The following MAMDC2 variants were observed in gnomAD, a reference collection of about 807,000 sequenced individuals.
The protein encoded by MAMDC2 is MAM domain containing 2, also known as MAM domain-containing protein 2.
Under a neutral mutation model 89.8 loss-of-function variants are expected in MAMDC2, and 57 were observed. That is an observed-to-expected ratio of 0.63 (90% confidence interval 0.51 to 0.79). MAMDC2 has a LOEUF of 0.79. Ranked by LOEUF, MAMDC2 falls within the 30% of genes least tolerant of loss-of-function variation. MAMDC2 has a pLI of 0.00. For synonymous variants in MAMDC2, 313 were observed against 293.4 expected, an observed-to-expected ratio of 1.07 and a Z score of -0.68; for missense variants, 800 against 820.6, an observed-to-expected ratio of 0.97 and a Z score of 0.31.
At chr9:70,207,268 T>C (rs1451520825) in intron 11 of MAMDC2, among the ~76,000 whole-genome samples, 3 of 152,154 alleles carry the variant, frequency 2.0e-5, no homozygotes, top group Non-Finnish European at 4.4e-5. Flanking sequence ...TGTTCCTATT[T>C]CTCCACATCC....
chr9:70,058,008 A>G (rs1827063376), intron 2 of MAMDC2, among the ~76,000 whole-genome samples: 1 of 152,140 alleles, frequency 6.6e-6, no homozygotes, highest in Non-Finnish European at 1.5e-5. Context: ...TTATCCTTAG[A>G]TTTCATTTGA....
chr9:70,044,246 C>G lies in MAMDC2; in HGVS notation c.34+15C>G. On this transcript the variant is annotated intron_variant, in intron 1 of 13. Transcript: ENST00000377182. ...GGCGTTGCAAGGTAAGGCCTGGACC[C>G]CGGGACAACCCCGGGGGCGCTCTGA... is the stretch of plus-strand genomic sequence containing the variant. The G allele has an allele frequency of 6.2e-7, 1 of 1,611,880 alleles. No individual in the cohort carries two copies. Among genetic ancestry groups the G allele is most frequent in the South Asian group, 1.1e-5 (1 of 91,082 alleles).
chr9:70,202,608 C>T (rs1308793310), intron 11 of MAMDC2, among the ~76,000 whole-genome samples: 5 of 145,566 alleles, frequency 3.4e-5, no homozygotes, highest in African/African-American at 7.7e-5. Flanking sequence ...CCTGGGTATC[C>T]TTGTTGACTT....
intron 2 of MAMDC2, among the ~76,000 whole-genome samples, chr9:70,055,062 A>C (rs964748408): frequency 1.2e-4 from 19 of 152,074 alleles, no homozygotes; most frequent in Admixed American, 1.2e-3. Flanking sequence ...TAAAAAAACA[A>C]AACAACACAA....
In MAMDC2 at chr9:70,217,923, C is replaced by T. The variant is rs1417633519; in HGVS notation, c.1652-414C>T. 4.6e-5 allele frequency among the ~76,000 whole-genome samples: 7 copies of T among 152,170 alleles called. No individual in the cohort carries two copies. In the South Asian group the frequency reaches 6.2e-4, roughly 13 times the overall value. ...GAGATTATTCATTAGACCAGAATCA[C>T]ATAAACAACAAATATTATAGTCAAG... is the stretch of plus-strand genomic sequence containing the variant. On this transcript the variant is annotated intron_variant, in intron 11 of 13. Coordinates refer to ENST00000377182, the MANE Select transcript of MAMDC2 (RefSeq NM_153267.5).
At chr9:70,134,169 A>C (rs2030916426) in intron 7 of MAMDC2, among the ~76,000 whole-genome samples, 1 of 151,884 alleles carries the variant, frequency 6.6e-6, no homozygotes, top group South Asian at 2.1e-4. Flanking sequence ...ATCAACATAC[A>C]CAGCATCTTG....
At position 70,151,912 on chromosome 9, in the gene MAMDC2, A is replaced by G. The variant is rs141673560; in HGVS notation, c.1404+8093A>G. Among the ~76,000 whole-genome samples the G allele has an allele frequency of 7.0e-3, 1,064 of 152,252 alleles. 13 individuals carry two copies. The highest frequency in any genetic ancestry group is 0.025 in the African/African-American group (1,025 of 41,534). ...TTTGTGACCTCTGAACCCATTCTAA[A>G]GCATGTCAGGTGTGTTCTTGAGGGC... On this transcript the variant is annotated intron_variant, in intron 9 of 13. Coordinates refer to ENST00000377182, the MANE Select transcript of MAMDC2 (RefSeq NM_153267.5).
In MAMDC2 at chr9:70,048,768, C is replaced by G. The variant is rs116013789; in HGVS notation, c.148+4071C>G. On this transcript the variant is annotated intron_variant, in intron 2 of 13. Coordinates refer to ENST00000377182, the MANE Select transcript of MAMDC2 (RefSeq NM_153267.5). Reference sequence around the variant, plus strand: ...GATGCCAGCTGTGGGGGCAGAGGTCCTTTGCCCTGAGGATTCTTGGAGACC... The same window carrying G: ...GATGCCAGCTGTGGGGGCAGAGGTCGTTTGCCCTGAGGATTCTTGGAGACC... Among the ~76,000 whole-genome samples the G allele has an allele frequency of 4.6e-3, 697 of 152,332 alleles. 8 individuals are homozygous for G. Among genetic ancestry groups the G allele is most frequent in the African/African-American group, 0.016 (672 of 41,568 alleles).
At chr9:70,122,001 A>G (rs2030307458) in intron 5 of MAMDC2, among the ~76,000 whole-genome samples, 1 of 152,180 alleles carries the variant, frequency 6.6e-6, no homozygotes, top group Admixed American at 6.5e-5. Flanking sequence ...CCTGGGGCAG[A>G]CACCTGAATG....
At chr9:70,198,664 C>T (rs962031560) in intron 11 of MAMDC2, among the ~76,000 whole-genome samples, 1 of 152,118 alleles carries the variant, frequency 6.6e-6, no homozygotes, top group African/African-American at 2.4e-5. Flanking sequence ...GAAAGAAACA[C>T]CAGCACTTTC....
intron 11 of MAMDC2, among the ~76,000 whole-genome samples, chr9:70,205,115 G>A (rs2033196963): frequency 6.6e-6 from 1 of 152,194 alleles, no homozygotes; most frequent in Admixed American, 6.5e-5. Context: ...TTCTGACATT[G>A]CCAGATTCTA....
At position 70,171,311 on chromosome 9, in the gene MAMDC2, C is replaced by A. The variant is rs562176396; in HGVS notation, c.1651+680C>A. On this transcript the variant is annotated intron_variant, in intron 11 of 13. Coordinates refer to ENST00000377182, the MANE Select transcript of MAMDC2 (RefSeq NM_153267.5). Reference sequence around the variant, plus strand: ...TCTAGGAGTTCAAGACCAGCCTAGACAACATAGTGAGACTCTATCTTGACA... The same window carrying A: ...TCTAGGAGTTCAAGACCAGCCTAGAAAACATAGTGAGACTCTATCTTGACA... Among the ~76,000 whole-genome samples the A allele has an allele frequency of 2.0e-5, 3 of 150,252 alleles. No individual in the cohort carries two copies. The South Asian group carries it at 6.4e-4, about 32-fold the overall frequency.
At chr9:70,051,253 A>G (rs987624703) in intron 2 of MAMDC2, among the ~76,000 whole-genome samples, 5 of 152,080 alleles carry the variant, frequency 3.3e-5, no homozygotes, top group Non-Finnish European at 5.9e-5. Context: ...CCTCCTCCTT[A>G]TGAAGGCCAA....
intron 11 of MAMDC2, among the ~76,000 whole-genome samples, chr9:70,173,849 A>G (rs2032422571): frequency 1.3e-5 from 2 of 152,234 alleles, no homozygotes; most frequent in Admixed American, 6.5e-5. Context: ...AAGGTTTCCC[A>G]TTCACTAAGT....
At chr9:70,217,979 C>T (rs1480011309) in intron 11 of MAMDC2, among the ~76,000 whole-genome samples, 2 of 152,164 alleles carry the variant, frequency 1.3e-5, no homozygotes, top group South Asian at 2.1e-4. Flanking sequence ...GACTACAAAA[C>T]CCACCCTCTC....
intron 2 of MAMDC2, among the ~76,000 whole-genome samples, chr9:70,094,679 G>A (rs1019839691): frequency 1.3e-5 from 2 of 152,042 alleles, no homozygotes; most frequent in African/African-American, 4.8e-5. Context: ...ACTACCATCA[G>A]GAAGAAGTTT....
chr9:70,128,535 T>C (rs755399990), intron 6 of MAMDC2, among the ~76,000 whole-genome samples: 2 of 152,134 alleles, frequency 1.3e-5, no homozygotes, highest in Non-Finnish European at 2.9e-5. Flanking sequence ...TTGTCCAAAC[T>C]CTTTTTCTTT....
At chr9:70,180,106 A>G (rs2032607840) in intron 11 of MAMDC2, among the ~76,000 whole-genome samples, 1 of 151,670 alleles carries the variant, frequency 6.6e-6, no homozygotes, top group African/African-American at 2.4e-5. Flanking sequence ...GAGTGAGAAC[A>G]TGCAGTGTTT....
At chr9:70,070,898 A>G (rs1410657140) in intron 2 of MAMDC2, among the ~76,000 whole-genome samples, 2 of 152,178 alleles carry the variant, frequency 1.3e-5, no homozygotes, top group African/African-American at 4.8e-5. Context: ...ATAAATATAT[A>G]ACATCACTAA....
Sources: allele counts gnomAD v4.1 joint callset (sites outside exome capture counted in the v4.1 genomes callset), GRCh38; gene constraint gnomAD v4.1.1; transcripts MANE v1.5; gene names NCBI Gene and HGNC (gene_info 2026-07-23, HGNC 2026-07-21).